Variants in ACER3 observed in about 807,000 individuals in gnomAD.
The protein encoded by ACER3 is alkaline ceramidase 3, also known as alkCDase 3.
In ACER3, 16 loss-of-function variants were observed where a neutral mutation model predicts 48.9. The ratio of observed to expected loss-of-function variants is 0.33; its 90% confidence interval spans 0.22 to 0.50. The LOEUF is 0.50. Ranked by LOEUF, ACER3 falls within the 20% of genes least tolerant of loss-of-function variation. ACER3 has a pLI of 0.98. For missense variants in ACER3, 227 were observed against 326.0 expected (o/e 0.70, Z 2.34); for synonymous variants, 109 against 107.8 (o/e 1.01, Z -0.07).
chr11:76,875,732 G>GTTTTTTTTTTTTTTTT (rs71040037), intron 1 of ACER3, among the ~76,000 whole-genome samples: 5 of 67,078 alleles, frequency 7.5e-5, no homozygotes, highest in Admixed American at 2.4e-4. Flanking sequence ...AGTTTTTGTT[G>GTTTTTTTTTTTTTTTT]TTTTTTTTTT....
chr11:76,897,450 GCAT>G (rs770467676), intron 1 of ACER3, among the ~76,000 whole-genome samples: 3 of 152,064 alleles, frequency 2.0e-5, no homozygotes, highest in Non-Finnish European at 4.4e-5. Flanking sequence ...TTTTACCTAT[GCAT>G]CATTTTATAG....
At chr11:76,962,560 T>C (rs1020710643) in intron 3 of ACER3, among the ~76,000 whole-genome samples, 2 of 151,412 alleles carry the variant, frequency 1.3e-5, no homozygotes, top group African/African-American at 2.5e-5. Context: ...CCAATATTAG[T>C]GACCATGGCA....
chr11:77,018,530 G>A (rs1327291825), intron 9 of ACER3, among the ~76,000 whole-genome samples: 2 of 152,238 alleles, frequency 1.3e-5, no homozygotes, highest in African/African-American at 4.8e-5. Flanking sequence ...AGTGAGGAAC[G>A]TATGTTGAAA....
intron 1 of ACER3, among the ~76,000 whole-genome samples, chr11:76,883,296 C>T (rs1383813787): frequency 6.6e-6 from 1 of 151,952 alleles, no homozygotes; most frequent in East Asian, 1.9e-4. Flanking sequence ...TTTATATGGA[C>T]CTTTTTACTA....
intron 2 of ACER3, among the ~76,000 whole-genome samples, chr11:76,954,121 A>G (rs995478267): frequency 2.6e-5 from 4 of 151,966 alleles, no homozygotes; most frequent in African/African-American, 4.8e-5. Context: ...CTAATTTTGT[A>G]TTTTTAGTAG....
At chr11:76,933,272 T>A (rs539457659) in intron 2 of ACER3, among the ~76,000 whole-genome samples, 34 of 149,838 alleles carry the variant, frequency 2.3e-4, no homozygotes, top group South Asian at 8.4e-4. Flanking sequence ...TACTTATAAT[T>A]TTTATTTTTT....
At chr11:76,966,116 C>G (rs1295730709) in intron 3 of ACER3, among the ~76,000 whole-genome samples, 2 of 151,862 alleles carry the variant, frequency 1.3e-5, no homozygotes, top group Non-Finnish European at 2.9e-5. Flanking sequence ...GGAGGGAGAT[C>G]TACCAAGCAA....
At chr11:76,861,104 TG>T in intron 1 of ACER3, 25 bp downstream of exon 1, 1 of 1,497,682 alleles carries the variant, frequency 6.7e-7, no homozygotes. Context: ...AGGAGGGGAG[TG>T]GGGGCGAGAG....
intron 7 of ACER3, among the ~76,000 whole-genome samples, chr11:77,003,409 CTGTT>C (rs1949073556): frequency 6.6e-6 from 1 of 152,130 alleles, no homozygotes; most frequent in Non-Finnish European, 1.5e-5. Flanking sequence ...CAGTGATAAT[CTGTT>C]TCATTCCTAA....
chr11:76,865,236 C>G (rs140788618), intron 1 of ACER3, among the ~76,000 whole-genome samples: 1 of 151,582 alleles, frequency 6.6e-6, no homozygotes, highest in South Asian at 2.1e-4. Flanking sequence ...CCTCCCACCT[C>G]AGCCTCCCAA....
intron 2 of ACER3, among the ~76,000 whole-genome samples, chr11:76,928,211 G>A (rs1314322685): frequency 1.3e-5 from 2 of 152,202 alleles, no homozygotes; most frequent in Non-Finnish European, 2.9e-5. Flanking sequence ...CTGATGGCCA[G>A]TGATGGTGAG....
intron 1 of ACER3, chr11:76,867,996 C>T (rs1400727745): frequency 1.7e-5 from 13 of 768,168 alleles, no homozygotes; most frequent in Admixed American, 1.1e-4. Context: ...CTTTTTTTTC[C>T]TTGCTGCTGC....
intron 1 of ACER3, among the ~76,000 whole-genome samples, chr11:76,910,834 A>G (rs1004841524): frequency 6.6e-6 from 1 of 152,234 alleles, no homozygotes; most frequent in African/African-American, 2.4e-5. Context: ...GTTTGGTTGT[A>G]CTGTGTAATG....
intron 1 of ACER3, among the ~76,000 whole-genome samples, chr11:76,878,549 G>A (rs899765324): frequency 6.6e-6 from 1 of 152,104 alleles, no homozygotes; most frequent in Admixed American, 6.5e-5. Context: ...GTATCCCACT[G>A]TATGAATGTA....
intron 2 of ACER3, among the ~76,000 whole-genome samples, chr11:76,954,821 C>T (rs1459865430): frequency 3.3e-5 from 5 of 152,060 alleles, no homozygotes. Flanking sequence ...AGGCTGGTCT[C>T]AAACTCCTGA....
chr11:76,862,650 T>C (rs1429346732), intron 1 of ACER3, among the ~76,000 whole-genome samples: 1 of 152,204 alleles, frequency 6.6e-6, no homozygotes, highest in Non-Finnish European at 1.5e-5. Flanking sequence ...TAGAATAATT[T>C]TTTTTTAATT....
At chr11:76,922,267 T>C (rs1946705008) in intron 1 of ACER3, among the ~76,000 whole-genome samples, 1 of 152,162 alleles carries the variant, frequency 6.6e-6, no homozygotes, top group Non-Finnish European at 1.5e-5. Context: ...CTGCACTCCC[T>C]GCCTCCAGGT....
At chr11:77,001,582 G>A (rs1949032773) in intron 7 of ACER3, among the ~76,000 whole-genome samples, 1 of 152,094 alleles carries the variant, frequency 6.6e-6, no homozygotes. Context: ...AAGATTTGCT[G>A]CAAATAGAAA....
chr11:76,998,704 T>C (rs1337684708), intron 6 of ACER3, 59 bp from the exon 7 acceptor site: 1 of 1,302,058 alleles, frequency 7.7e-7, no homozygotes, highest in Non-Finnish European at 1.1e-6. Flanking sequence ...GTAGGCAAAA[T>C]AGACTTCCTT....
Sources: gnomAD v4.1 joint callset for allele counts (sites outside exome capture counted in the v4.1 genomes callset) on GRCh38, gnomAD v4.1.1 for gene constraint, MANE v1.5 for transcripts, NCBI Gene and HGNC (gene_info 2026-07-23, HGNC 2026-07-21) for gene names.